Variants in WDR19 observed in about 807,000 individuals in gnomAD.
The protein encoded by WDR19 is WD repeat-containing protein 19.
In WDR19, 121 loss-of-function variants were observed where a neutral mutation model predicts 180.0. The observed-to-expected ratio is 0.67, with a 90% CI of 0.58 to 0.78. WDR19 has a LOEUF of 0.78. Among genes scored for constraint, WDR19 ranks in the 30% least tolerant of loss-of-function variants. The probability of loss-of-function intolerance (pLI) is 0.00; values close to 1 mark genes in which losing one functional copy is unlikely to be tolerated. For missense variants in WDR19, 1,450 were observed against 1,640.7 expected, an observed-to-expected ratio of 0.88 and a Z score of 2.01; for synonymous variants, 497 against 540.7, an observed-to-expected ratio of 0.92 and a Z score of 1.12.
chr4:39,186,712 T>A, intron 3 of WDR19, 108 bp downstream of exon 3: 1 of 726,656 alleles, frequency 1.4e-6, no homozygotes. Flanking sequence ...GCTTCTTCCA[T>A]TTGCAAAGGG....
chr4:39,255,247 C>T (rs1023174275), intron 26 of WDR19, among the ~76,000 whole-genome samples: 11 of 152,164 alleles, frequency 7.2e-5, no homozygotes, highest in African/African-American at 2.4e-4. Context: ...GGTGTGTGGG[C>T]CTCCTCCCAC....
intron 19 of WDR19, 85 bp downstream of exon 19, chr4:39,232,357 G>T (rs11729098): frequency 8.9e-7 from 1 of 1,120,586 alleles, no homozygotes; most frequent in Non-Finnish European, 1.3e-6. Context: ...GGGTGCAGCC[G>T]CTCACGCCTC....
intron 29 of WDR19, among the ~76,000 whole-genome samples, chr4:39,267,318 C>T (rs1734912791): frequency 1.3e-5 from 2 of 152,076 alleles, no homozygotes; most frequent in Admixed American, 1.3e-4. Flanking sequence ...TGGAGAGGAC[C>T]GTAGTGGTCC....
At chr4:39,196,321 G>A (rs1197212919) in intron 5 of WDR19, among the ~76,000 whole-genome samples, 3 of 152,010 alleles carry the variant, frequency 2.0e-5, no homozygotes, top group South Asian at 2.1e-4. Context: ...TACCTCCAAC[G>A]CTTACTCAAC....
At chr4:39,210,722 A>T (rs1019141667) in intron 9 of WDR19, among the ~76,000 whole-genome samples, 3 of 152,202 alleles carry the variant, frequency 2.0e-5, no homozygotes, top group Admixed American at 1.3e-4. Flanking sequence ...GCTAAAAAAG[A>T]CAAACCGTAT....
chr4:39,244,379 G>T lies in WDR19; in HGVS notation c.2553G>T (p.Glu851Asp), dbSNP rs1332458650. The T allele has an allele frequency of 1.2e-6, 2 of 1,613,850 alleles. No homozygotes were observed. The highest frequency in any genetic ancestry group is 1.3e-5 in the African/African-American group (1 of 74,918). Reference sequence around the variant, plus strand: ...AAAGAGACTGTGGAGCCATATTGGAGAATATGAAGGTCCTCTTTTCTCTGC... The same window carrying T: ...AAAGAGACTGTGGAGCCATATTGGATAATATGAAGGTCCTCTTTTCTCTGC... ...VLKRDCGAIL[E>D]NMKQFSEAAQ... Residue 851 changes from glutamate (E) to aspartate (D), a missense_variant, in exon 22 of 37, where the codon GAG (glutamate) becomes GAT (aspartate). Glu to Asp is a conservative substitution (Grantham distance 45, BLOSUM62 2). Transcript: ENST00000399820.
chr4:39,193,775 G>T (rs1417543692), intron 4 of WDR19, among the ~76,000 whole-genome samples: 5 of 152,182 alleles, frequency 3.3e-5, no homozygotes, highest in Non-Finnish European at 5.9e-5. Context: ...GAATCCCCTG[G>T]AGGGCTTATG....
At chr4:39,233,579 A>G (rs774249507) in intron 19 of WDR19, among the ~76,000 whole-genome samples, 13 of 152,216 alleles carry the variant, frequency 8.5e-5, no homozygotes, top group Non-Finnish European at 1.5e-4. Flanking sequence ...TTCTACAACT[A>G]TGTAAAAGAG....
chr4:39,279,548 C>T (rs1311785764), intron 36 of WDR19, among the ~76,000 whole-genome samples: 2 of 152,206 alleles, frequency 1.3e-5, no homozygotes, highest in African/African-American at 4.8e-5. Flanking sequence ...TCTGATTACT[C>T]ACCATGTTGC....
chr4:39,269,838 C>A, intron 30 of WDR19, 138 bp from the exon 31 acceptor site: 2 of 1,138,222 alleles, frequency 1.8e-6, no homozygotes, highest in African/African-American at 1.6e-5. Context: ...AGGAAATCTG[C>A]TGAGTTGCTT....
intron 36 of WDR19, among the ~76,000 whole-genome samples, chr4:39,279,332 C>T (rs994457495): frequency 5.9e-5 from 9 of 152,356 alleles, no homozygotes; most frequent in Admixed American, 2.0e-4. Context: ...CCTCAGGAAG[C>T]GGCAGCTCCA....
chr4:39,195,390 A>C (rs1353171593), intron 5 of WDR19, among the ~76,000 whole-genome samples: 4 of 125,228 alleles, frequency 3.2e-5, no homozygotes, highest in African/African-American at 1.4e-4. Flanking sequence ...AAAAAAACAA[A>C]CAAACAAAAA....
intron 23 of WDR19, among the ~76,000 whole-genome samples, chr4:39,244,967 T>C (rs1004634412): frequency 1.4e-5 from 2 of 145,966 alleles, no homozygotes; most frequent in African/African-American, 5.1e-5. Flanking sequence ...ACAGAAGCTC[T>C]CTCTGTTGCT....
At chr4:39,205,342 A>G in intron 8 of WDR19, 76 bp downstream of exon 8, 1 of 1,351,664 alleles carries the variant, frequency 7.4e-7, no homozygotes, top group Non-Finnish European at 1.0e-6. Flanking sequence ...TACTAATTGT[A>G]TTCAATTTTT....
At chr4:39,192,362 T>C (rs138417228) in intron 4 of WDR19, among the ~76,000 whole-genome samples, 327 of 152,270 alleles carry the variant, frequency 2.1e-3, no homozygotes, top group African/African-American at 7.2e-3. Context: ...TTAGAAGAGA[T>C]TGGAAGAGCT....
In WDR19 at chr4:39,245,423, G is replaced by A; in HGVS notation, c.2700G>A (p.Gln900=). ...PHVSSPKIHL[Q]YAKAKEADGR... is the part of the protein sequence containing the mutation. ...TTTCTTCTCCTAAGATCCATTTGCA[G>A]TATGCCAAAGCCAAGGAAGCAGATG... is the stretch of plus-strand genomic sequence containing the variant. Residue 900 remains glutamine (Q), a synonymous_variant, in exon 24 of 37, where the codon CAG becomes CAA. Coordinates refer to ENST00000399820, the MANE Select transcript of WDR19 (RefSeq NM_025132.4). 6.2e-7 allele frequency: 1 copy of A among 1,613,742 alleles called. No homozygotes were observed. Among genetic ancestry groups the A allele is most frequent in the Non-Finnish European group, 8.5e-7 (1 of 1,179,802 alleles).
At chr4:39,214,476 G>A in intron 9 of WDR19, 125 bp from the exon 10 acceptor site, 1 of 560,242 alleles carries the variant, frequency 1.8e-6, no homozygotes, top group Non-Finnish European at 3.2e-6. Context: ...TAACCCAGTA[G>A]ATCATTCTGT....
intron 33 of WDR19, among the ~76,000 whole-genome samples, chr4:39,276,772 T>C (rs1735941047): frequency 1.3e-5 from 2 of 152,192 alleles, no homozygotes; most frequent in Admixed American, 1.3e-4. Context: ...CCGTTGAATG[T>C]GCTATGAACT....
intron 12 of WDR19, among the ~76,000 whole-genome samples, chr4:39,216,741 T>C (rs936785933): frequency 6.6e-6 from 1 of 152,316 alleles, no homozygotes; most frequent in East Asian, 1.9e-4. Context: ...TTTCTTCCCC[T>C]GCCTCCTCCC....
Sources: gnomAD v4.1 joint callset for allele counts (sites outside exome capture counted in the v4.1 genomes callset) on GRCh38, gnomAD v4.1.1 for gene constraint, MANE v1.5 for transcripts, NCBI Gene and HGNC (gene_info 2026-07-23, HGNC 2026-07-21) for gene names.